BRINP1: variants seen among roughly 807,000 people sequenced by gnomAD.
BRINP1 encodes the protein BMP/retinoic acid-inducible neural-specific protein 1.
In BRINP1, 17 loss-of-function variants were observed where a neutral mutation model predicts 72.9. The ratio of observed to expected loss-of-function variants is 0.23; its 90% CI spans 0.16 to 0.35. The LOEUF is 0.35. Among genes scored for constraint, BRINP1 ranks in the 10% least tolerant of loss-of-function variants. The pLI is 1.00. For missense variants in BRINP1, 850 were observed against 1,001.6 expected, an observed-to-expected ratio of 0.85 and a Z score of 2.04; for synonymous variants, 418 against 378.5, an observed-to-expected ratio of 1.10 and a Z score of -1.21.
chr9:119,336,676 G>T (rs972781275), intron 1 of BRINP1, among the ~76,000 whole-genome samples: 2 of 152,136 alleles, frequency 1.3e-5, no homozygotes, highest in Admixed American at 6.5e-5. Flanking sequence ...GACGCTGCCA[G>T]CCTGGCTCTT....
At chr9:119,204,398 T>G (rs1829831936) in intron 7 of BRINP1, among the ~76,000 whole-genome samples, 1 of 152,226 alleles carries the variant, frequency 6.6e-6, no homozygotes, top group Non-Finnish European at 1.5e-5. Context: ...AAGCCAAGTT[T>G]TAATCAGCTA....
chr9:119,173,175 A>G (rs1215673234), intron 7 of BRINP1, among the ~76,000 whole-genome samples: 2 of 150,244 alleles, frequency 1.3e-5, no homozygotes, highest in African/African-American at 5.0e-5. Context: ...TCAATTAGGA[A>G]AAGAGGAAGT....
chr9:119,261,355 T>C (rs191521610), intron 2 of BRINP1, among the ~76,000 whole-genome samples: 28 of 152,304 alleles, frequency 1.8e-4, no homozygotes, highest in Non-Finnish European at 3.5e-4. Flanking sequence ...GTCATCGCTG[T>C]GGCCACAGAC....
chr9:119,245,722 A>G (rs1830309018), intron 3 of BRINP1, among the ~76,000 whole-genome samples: 1 of 152,152 alleles, frequency 6.6e-6, no homozygotes, highest in South Asian at 2.1e-4. Context: ...CTCATAGGTG[A>G]CAGGTTAAGA....
At chr9:119,285,615 G>A (rs917411869) in intron 2 of BRINP1, among the ~76,000 whole-genome samples, 1 of 152,162 alleles carries the variant, frequency 6.6e-6, no homozygotes, top group African/African-American at 2.4e-5. Context: ...TCAAAGTCTT[G>A]TACTTAGGGA....
chr9:119,214,839 G>A (rs1588166661), intron 5 of BRINP1, among the ~76,000 whole-genome samples: 1 of 152,274 alleles, frequency 6.6e-6, no homozygotes, highest in South Asian at 2.1e-4. Context: ...GAACAGGAAG[G>A]ACATTCTTAA....
At chr9:119,290,264 T>C (rs1345666082) in intron 2 of BRINP1, among the ~76,000 whole-genome samples, 1 of 152,210 alleles carries the variant, frequency 6.6e-6, no homozygotes, top group African/African-American at 2.4e-5. Flanking sequence ...TGGTGAATTA[T>C]GCAACCTTTC....
intron 5 of BRINP1, among the ~76,000 whole-genome samples, chr9:119,215,045 A>T (rs1829964648): frequency 6.6e-6 from 1 of 152,188 alleles, no homozygotes. Flanking sequence ...GGGTACGAGT[A>T]ACATAATTAG....
chr9:119,343,942 A>G (rs1240332674), intron 1 of BRINP1, among the ~76,000 whole-genome samples: 1 of 148,212 alleles, frequency 6.7e-6, no homozygotes, highest in East Asian at 2.0e-4. Flanking sequence ...GACCTAATAT[A>G]CCCAATCTAC....
intron 1 of BRINP1, among the ~76,000 whole-genome samples, chr9:119,363,342 T>G (rs1230886493): frequency 6.6e-6 from 1 of 152,250 alleles, no homozygotes; most frequent in East Asian, 1.9e-4. Context: ...GCTCAAGCGA[T>G]CCTCCCACCT....
chr9:119,172,438 T>C (rs944099773), intron 7 of BRINP1, among the ~76,000 whole-genome samples: 7 of 151,986 alleles, frequency 4.6e-5, no homozygotes, highest in Non-Finnish European at 5.9e-5. Context: ...CAGGAAGAAG[T>C]TGAATCTCTG....
chr9:119,282,958 T>A, intron 2 of BRINP1: 1 of 985,376 alleles, frequency 1.0e-6, no homozygotes, highest in Non-Finnish European at 1.2e-6. Context: ...GTTATATTAA[T>A]CACAGCTGCC....
At chr9:119,263,362 A>G (rs1276026879) in intron 2 of BRINP1, among the ~76,000 whole-genome samples, 1 of 151,894 alleles carries the variant, frequency 6.6e-6, no homozygotes, top group Non-Finnish European at 1.5e-5. Flanking sequence ...CTTCTCCCCC[A>G]TTCTCCCCTG....
chr9:119,261,317 G>A (rs1446571436), intron 2 of BRINP1, among the ~76,000 whole-genome samples: 1 of 152,154 alleles, frequency 6.6e-6, no homozygotes, highest in Non-Finnish European at 1.5e-5. Flanking sequence ...ATACCTAGGT[G>A]AATTGGACAT....
rs1017138815 is a variant in BRINP1, at chr9:119,336,508, C to T, written c.-50-23103G>A. ...GAAACATTTGGACCTTTGGGGAACA[C>T]GCTGGAGAGGTGATAGAGAGGGTGG... On this transcript the variant is annotated intron_variant, in intron 1 of 7. Transcript: ENST00000265922. Among the ~76,000 whole-genome samples the T allele has an allele frequency of 4.6e-5, 7 of 151,296 alleles. No homozygotes were observed. In the East Asian group the frequency reaches 5.8e-4, roughly 13 times the overall value.
chr9:119,263,598 A>ATTTTT (rs1554752039), intron 2 of BRINP1, among the ~76,000 whole-genome samples: 14 of 51,702 alleles, frequency 2.7e-4, no homozygotes, highest in African/African-American at 6.0e-4. Flanking sequence ...CCAGTAAACA[A>ATTTTT]TTCTTTTTTT....
At chr9:119,230,408 G>A (rs990029) in intron 5 of BRINP1, among the ~76,000 whole-genome samples, 71,529 of 151,754 alleles carry the variant, frequency 0.47, 17,256 homozygotes, top group Middle Eastern at 0.66. Context: ...GGATCAGCAG[G>A]AGTGAGATCT....
chr9:119,308,371 G>A (rs1831020885), intron 2 of BRINP1, among the ~76,000 whole-genome samples: 1 of 152,178 alleles, frequency 6.6e-6, no homozygotes, highest in South Asian at 2.1e-4. Context: ...CTGGAGTGGG[G>A]CAAGGGTGGG....
intron 2 of BRINP1, among the ~76,000 whole-genome samples, chr9:119,277,449 T>C (rs1830668882): frequency 6.6e-6 from 1 of 152,170 alleles, no homozygotes. Context: ...ATGGTGAGGA[T>C]GTTTACCCCC....
Sources: allele counts gnomAD v4.1 joint callset (sites outside exome capture counted in the v4.1 genomes callset), GRCh38; gene constraint gnomAD v4.1.1; transcripts MANE v1.5; gene names NCBI Gene and HGNC (gene_info 2026-07-23, HGNC 2026-07-21).